FOXL2: variants seen among roughly 807,000 people sequenced by gnomAD.
FOXL2 encodes the protein forkhead box protein L2.
FOXL2 carries 3 observed loss-of-function variants against 2.5 expected under a neutral mutation model. The observed-to-expected ratio is 1.20, with a 90% CI of 0.55 to 3.11. The LOEUF is 3.11. Ranked by LOEUF, FOXL2 falls within the 30% of genes most tolerant of loss-of-function variation. FOXL2 has a pLI of 0.03. For missense variants in FOXL2, 512 were observed against 570.0 expected, an observed-to-expected ratio of 0.90 and a Z score of 1.04; for synonymous variants, 315 against 269.4, an observed-to-expected ratio of 1.17 and a Z score of -1.66.
chr3:138,945,948 T>G lies in FOXL2; in HGVS notation c.775A>C (p.Thr259Pro). The stretch of plus-strand genomic sequence containing the variant: ...GGCAGCGCCATGCTCTGCACGCGTG[T>G]GTACGGCCCGTACGAGGCGGCCGGG... ...AGPAASYGPY[T>P]RVQSMALPPG... Residue 259 changes from threonine (T) to proline (P), a missense_variant, in exon 1 of 1, where the codon ACA becomes CCA. This residue lies in a region of FOXL2 where 287 missense variants were observed against 277.4 expected (regional missense o/e 1.03). Coordinates refer to ENST00000648323, the MANE Select transcript of FOXL2 (RefSeq NM_023067.4). The G allele has an allele frequency of 1.4e-6, 2 of 1,409,622 alleles. No individual in the cohort carries two copies. The highest frequency in any genetic ancestry group is 1.8e-6 in the Non-Finnish European group (2 of 1,093,834). The allele number at this position is 1,409,622 out of a possible 1,614,324, so 87.3% of individuals were successfully genotyped here. A position where few individuals can be genotyped will look rare whatever the true frequency, so the allele number is the denominator to read the frequency against.
At position 138,946,164 on chromosome 3, in the gene FOXL2, C is replaced by A. The variant is rs1239722307; in HGVS notation, c.559G>T (p.Gly187Cys). The A allele has an allele frequency of 6.7e-7, 1 of 1,484,058 alleles. No homozygotes were observed. The highest frequency in any genetic ancestry group is 1.5e-5 in the African/African-American group (1 of 68,160). 91.9% of individuals were successfully genotyped at this position (1,484,058 alleles called of 1,614,324 possible). The change falls in exon 1 of 1, where the codon GGC (glycine) becomes TGC (cysteine). Residue 187 changes from glycine (G) to cysteine (C), a missense_variant. Transcript: ENST00000648323. ...AGGTACTTGGGGGGCGCCAGGTAGC[C>A]GTAGCCGTCGGCCCCGGCGCCCGCC... Reference protein sequence around the residue: ...GVAGAGADGYGYLAPPKYLQS... With the variant: ...GVAGAGADGYCYLAPPKYLQS...
rs1347584962 is a variant in FOXL2 at position 138,947,062 on chromosome 3, T to G, written c.-340A>C. 2 of 254,356 alleles carry G rather than the reference T, an allele frequency of 7.9e-6. No homozygotes were observed. The highest frequency in any genetic ancestry group is 2.9e-5 in the African/African-American group (1 of 34,794). 15.8% of individuals were successfully genotyped at this position (254,356 alleles called of 1,614,324 possible). A position where few individuals can be genotyped will look rare whatever the true frequency, so the allele number is the denominator to read the frequency against. ...CTTCCCCTCCCCCCGCCCCCCGGTTTCCCGAAGCACGACCCGCGTCTCTGG... is the reference window on the plus strand; with the variant it reads ...CTTCCCCTCCCCCCGCCCCCCGGTTGCCCGAAGCACGACCCGCGTCTCTGG... On this transcript the variant is annotated 5_prime_UTR_variant, in exon 1 of 1. Transcript: ENST00000648323. The surrounding 1 kb of genome is among the most constrained non-coding windows in gnomAD (Gnocchi z 5.2).
rs1935913617 is a variant in FOXL2, at chr3:138,944,796, GGTGAATTTTT to G, written c.*786_*795del. ...GGCCACAATACTTCCCCGGTTGCCC[GGTGAATTTTT>G]TTTCCTTTTTTTTTTTTTAAATACT... On this transcript the variant is annotated 3_prime_UTR_variant, in exon 1 of 1. Coordinates refer to ENST00000648323, the MANE Select transcript of FOXL2 (RefSeq NM_023067.4). 2 of 231,832 alleles carry G rather than the reference GGTGAATTTTT, an allele frequency of 8.6e-6. No individual in the cohort carries two copies. Among genetic ancestry groups the G allele is most frequent in the Non-Finnish European group, 1.7e-5 (2 of 117,938 alleles). 14.4% of individuals were successfully genotyped at this position (231,832 alleles called of 1,614,324 possible).
At position 138,945,696 on chromosome 3, in the gene FOXL2, G is replaced by C. The variant is rs764726083; in HGVS notation, c.1027C>G (p.Leu343Val). 1.7e-5 allele frequency: 27 copies of C among 1,555,492 alleles called. No homozygotes were observed. Among genetic ancestry groups the C allele is most frequent in the Non-Finnish European group, 1.7e-5 (19 of 1,142,834 alleles). The change falls in exon 1 of 1, where the codon CTG (leucine) becomes GTG (valine). Residue 343 changes from leucine (L) to valine (V), a missense_variant. Leu to Val is a conservative substitution (Grantham distance 32). Around this residue, in one of 5 missense-constraint regions of FOXL2, gnomAD observed 66 missense variants for 58.3 expected, o/e 1.13. Coordinates refer to ENST00000648323, the MANE Select transcript of FOXL2 (RefSeq NM_023067.4). ...PAPAPTSAPG[L>V]QFACARQPEL... ...GGCTGCCGGGCACAAGCGAACTGCA[G>C]GCCCGGCGCACTGGTGGGCGCGGGC...
Position 138,945,453 on chromosome 3 carries a change from G to C in FOXL2, c.*139C>G, listed in dbSNP as rs1935931933. On this transcript the variant is annotated 3_prime_UTR_variant, in exon 1 of 1. Coordinates refer to ENST00000648323, the MANE Select transcript of FOXL2 (RefSeq NM_023067.4). Reference sequence around the variant, plus strand: ...GCTTAGGAAAGCGAAAAAGCACAGAGGGACCCTGGGCGCTGGCTCCAGAGG... The same window carrying C: ...GCTTAGGAAAGCGAAAAAGCACAGACGGACCCTGGGCGCTGGCTCCAGAGG... 2.8e-6 allele frequency: 4 copies of C among 1,430,764 alleles called. No individual in the cohort carries two copies. In the South Asian group the frequency reaches 3.9e-5, roughly 14 times the overall value. 88.6% of individuals were successfully genotyped at this position (1,430,764 alleles called of 1,614,324 possible).
At position 138,946,362 on chromosome 3, in the gene FOXL2, C is replaced by A. The variant is rs1159248178; in HGVS notation, c.361G>T (p.Gly121Cys). 3.1e-6 allele frequency: 5 copies of A among 1,613,974 alleles called. No homozygotes were observed. The Admixed American group carries it at 6.7e-5, about 22-fold the overall frequency. ...CFIKVPREGG[G>C]ERKGNYWTLD... is the part of the protein sequence containing the mutation. ...GTCCAGTAGTTGCCCTTGCGCTCGC[C>A]GCCGCCCTCGCGCGGCACCTTGATG... Residue 121 changes from glycine (G) to cysteine (C), a missense_variant, in exon 1 of 1, where the codon GGC becomes TGC. By Grantham distance (159) the Gly-to-Cys change is radical (BLOSUM62 -3). This residue lies in a region of FOXL2 where 63 missense variants were observed against 138.9 expected (regional missense o/e 0.45). Transcript: ENST00000648323.
In FOXL2 at chr3:138,946,909, G is replaced by T; in HGVS notation, c.-187C>A. 1 of 905,332 alleles carries T rather than the reference G, an allele frequency of 1.1e-6. No homozygotes were observed. Among genetic ancestry groups the T allele is most frequent in the Non-Finnish European group, 1.6e-6 (1 of 609,334 alleles). 56.1% of individuals were successfully genotyped at this position (905,332 alleles called of 1,614,324 possible). On this transcript the variant is annotated 5_prime_UTR_variant, in exon 1 of 1. Coordinates refer to ENST00000648323, the MANE Select transcript of FOXL2 (RefSeq NM_023067.4). ...CCCCTCTCCTTCCCCTTCCCCTAGG[G>T]AGCGGCCGGCGGGAGTGGAGCTCAG...
Position 138,946,670 on chromosome 3 carries a change from G to C in FOXL2, c.53C>G (p.Pro18Arg), listed in dbSNP as rs1347138555. The C allele has an allele frequency of 6.4e-7, 1 of 1,571,606 alleles. No individual in the cohort carries two copies. The highest frequency in any genetic ancestry group is 1.8e-5 in the Admixed American group (1 of 54,310). Residue 18 changes from proline (P) to arginine (R), a missense_variant, in exon 1 of 1, where the codon CCA becomes CGA. Pro to Arg is a moderately radical substitution (Grantham distance 103, BLOSUM62 -2). This residue lies in a region of FOXL2 where 92 missense variants were observed against 77.8 expected (regional missense o/e 1.18). Transcript: ENST00000648323. Reference protein sequence around the residue: ...PEDAAGALLAPETGRTVKEPE... With the variant: ...PEDAAGALLARETGRTVKEPE... Reference sequence around the variant, plus strand: ...CTCCTTGACTGTGCGACCGGTCTCTGGGGCCAGCAGGGCCCCCGCCGCGTC... The same window carrying C: ...CTCCTTGACTGTGCGACCGGTCTCTCGGGCCAGCAGGGCCCCCGCCGCGTC...
chr3:138,945,836 G>C lies in FOXL2; in HGVS notation c.887C>G (p.Ala296Gly). 1 of 1,219,144 alleles carries C rather than the reference G, an allele frequency of 8.2e-7. No homozygotes were observed. The highest frequency in any genetic ancestry group is 1.0e-6 in the Non-Finnish European group (1 of 980,034). The allele number at this position is 1,219,144 out of a possible 1,614,324, so 75.5% of individuals were successfully genotyped here. Residue 296 changes from alanine (A) to glycine (G), a missense_variant, in exon 1 of 1, where the codon GCA (alanine) becomes GGA (glycine). Transcript: ENST00000648323. Reference protein sequence around the residue: ...PPPHPHPHPHAHHLHAAAAPP... With the variant: ...PPPHPHPHPHGHHLHAAAAPP... Reference sequence around the variant, plus strand: ...TGCGGCGGCCGCGTGCAGATGGTGTGCGTGCGGATGCGGGTGGGGGTGCGG... The same window carrying C: ...TGCGGCGGCCGCGTGCAGATGGTGTCCGTGCGGATGCGGGTGGGGGTGCGG...
Position 138,946,871 on chromosome 3 carries a change from C to G in FOXL2, c.-149G>C. 1 of 1,177,686 alleles carries G rather than the reference C, an allele frequency of 8.5e-7. No individual in the cohort carries two copies. The highest frequency in any genetic ancestry group is 1.2e-6 in the Non-Finnish European group (1 of 842,644). The allele number at this position is 1,177,686 out of a possible 1,614,324, so 73.0% of individuals were successfully genotyped here. On this transcript the variant is annotated 5_prime_UTR_variant, in exon 1 of 1. Transcript: ENST00000648323. ...CCGCCCGCGCTTGCTTGCTGGAGGC[C>G]TGTCGCTGCTCTCCCCTCTCCTTCC...
chr3:138,946,450 G>A lies in FOXL2; in HGVS notation c.273C>T (p.Tyr91=), dbSNP rs751457510. ...YQYIIAKFPF[Y]EKNKKGWQNS... ...TTTGCCAGCCCTTCTTATTCTTCTC[G>A]TAGAACGGGAACTTCGCGATGATGT... is the stretch of plus-strand genomic sequence containing the variant. The change falls in exon 1 of 1, where the codon TAC becomes TAT. Residue 91 remains tyrosine, a synonymous_variant. Coordinates refer to ENST00000648323, the MANE Select transcript of FOXL2 (RefSeq NM_023067.4). The A allele has an allele frequency of 5.0e-6, 8 of 1,614,014 alleles. No individual in the cohort carries two copies. The East Asian group carries it at 1.6e-4, about 31-fold the overall frequency.
At position 138,946,503 on chromosome 3, in the gene FOXL2, T is replaced by G; in HGVS notation, c.220A>C (p.Arg74=). 6.2e-7 allele frequency: 1 copy of G among 1,613,988 alleles called. No homozygotes were observed. The highest frequency in any genetic ancestry group is 8.5e-7 in the Non-Finnish European group (1 of 1,179,998). ...TGGTAGATGCCGGACAGCGTGAGCC[T>G]CTTCTCCGCGCTCTCGCGGATCGCC... is the stretch of plus-strand genomic sequence containing the variant. ...AMAIRESAEK[R]LTLSGIYQYI... The change falls in exon 1 of 1, where the codon AGG becomes CGG. Residue 74 remains arginine, a synonymous_variant. Coordinates refer to ENST00000648323, the MANE Select transcript of FOXL2 (RefSeq NM_023067.4).
chr3:138,946,316 T>G lies in FOXL2; in HGVS notation c.407A>C (p.Asp136Ala), dbSNP rs1031375818. ...CCGGTAGTTGCCCTTCTCGAACATG[T>G]CTTCGCAGGCCGGGTCCAGCGTCCA... is the stretch of plus-strand genomic sequence containing the variant. Reference protein sequence around the residue: ...NYWTLDPACEDMFEKGNYRRR... With the variant: ...NYWTLDPACEAMFEKGNYRRR... The change falls in exon 1 of 1, where the codon GAC becomes GCC. Residue 136 changes from aspartate (D) to alanine (A), a missense_variant. By Grantham distance (126) the Asp-to-Ala change is moderately radical. This residue lies in a region of FOXL2 where 63 missense variants were observed against 138.9 expected (regional missense o/e 0.45). Coordinates refer to ENST00000648323, the MANE Select transcript of FOXL2 (RefSeq NM_023067.4). 1.2e-6 allele frequency: 2 copies of G among 1,613,390 alleles called. No homozygotes were observed. Among genetic ancestry groups the G allele is most frequent in the African/African-American group, 2.7e-5 (2 of 74,852 alleles).
Position 138,946,114 on chromosome 3 carries a change from C to G in FOXL2, c.609G>C (p.Ser203=), listed in dbSNP as rs779956639. Residue 203 remains serine (S), a synonymous_variant, in exon 1 of 1, where the codon TCG becomes TCC. Coordinates refer to ENST00000648323, the MANE Select transcript of FOXL2 (RefSeq NM_023067.4). ...KYLQSGFLNN[S]WPLPQPPSPM... is the part of the protein sequence containing the mutation. The stretch of plus-strand genomic sequence containing the variant: ...GTGAGGGAGGCTGCGGTAGCGGCCA[C>G]GAGTTGTTGAGGAAGCCAGACTGCA... 8 of 1,480,176 alleles carry G rather than the reference C, an allele frequency of 5.4e-6. No homozygotes were observed. Among genetic ancestry groups the G allele is most frequent in the Admixed American group, 2.4e-5 (1 of 42,154 alleles). The allele number at this position is 1,480,176 out of a possible 1,614,324, so 91.7% of individuals were successfully genotyped here. A position where few individuals can be genotyped will look rare whatever the true frequency, so the allele number is the denominator to read the frequency against.
Position 138,945,810 on chromosome 3 carries a change from G to A in FOXL2, c.913C>T (p.Pro305Ser). 2.5e-6 allele frequency: 3 copies of A among 1,197,850 alleles called. No homozygotes were observed. Among genetic ancestry groups the A allele is most frequent in the Non-Finnish European group, 3.1e-6 (3 of 965,608 alleles). The allele number at this position is 1,197,850 out of a possible 1,614,324, so 74.2% of individuals were successfully genotyped here. The change falls in exon 1 of 1, where the codon CCG (proline) becomes TCG (serine). Residue 305 changes from proline to serine, a missense_variant. Around this residue, in one of 5 missense-constraint regions of FOXL2, gnomAD observed 287 missense variants for 277.4 expected, o/e 1.03. Coordinates refer to ENST00000648323, the MANE Select transcript of FOXL2 (RefSeq NM_023067.4). ...HAHHLHAAAA[P>S]PPAPPHHGAA... The stretch of plus-strand genomic sequence containing the variant: ...CCGTGGTGCGGTGGGGCAGGCGGCG[G>A]TGCGGCGGCCGCGTGCAGATGGTGT...
At position 138,944,578 on chromosome 3, in the gene FOXL2, T is replaced by A. The variant is rs935288235; in HGVS notation, c.*1014A>T. ...AGATCCGGGGACATTTGTTTTTGAT[T>A]TTTTTCTTCAGATAGGGAGAGGGTG... On this transcript the variant is annotated 3_prime_UTR_variant, in exon 1 of 1. Transcript: ENST00000648323. 3 of 233,054 alleles carry A rather than the reference T, an allele frequency of 1.3e-5. No individual in the cohort carries two copies. Among genetic ancestry groups the A allele is most frequent in the East Asian group, 1.2e-4 (2 of 16,568 alleles). 14.4% of individuals were successfully genotyped at this position (233,054 alleles called of 1,614,324 possible).
Position 138,946,875 on chromosome 3 carries a change from C to G in FOXL2, c.-153G>C. On this transcript the variant is annotated 5_prime_UTR_variant, in exon 1 of 1. Coordinates refer to ENST00000648323, the MANE Select transcript of FOXL2 (RefSeq NM_023067.4). ...CCGCGCTTGCTTGCTGGAGGCCTGT[C>G]GCTGCTCTCCCCTCTCCTTCCCCTT... The G allele has an allele frequency of 2.6e-6, 3 of 1,145,554 alleles. No homozygotes were observed. The highest frequency in any genetic ancestry group is 1.5e-5 in the South Asian group (1 of 65,448). 71.0% of individuals were successfully genotyped at this position (1,145,554 alleles called of 1,614,324 possible).
rs1935992483 is a variant in FOXL2 at position 138,946,932 on chromosome 3, C to G, written c.-210G>C. The stretch of plus-strand genomic sequence containing the variant: ...GGGAGCGGCCGGCGGGAGTGGAGCT[C>G]AGCCTCTGGCCATGGGGAGTCCGCC... On this transcript the variant is annotated 5_prime_UTR_variant, in exon 1 of 1. It removes the in-frame stop codon of an upstream open reading frame in the 5' UTR. Coordinates refer to ENST00000648323, the MANE Select transcript of FOXL2 (RefSeq NM_023067.4). The G allele has an allele frequency of 1.4e-6, 1 of 722,938 alleles. No individual in the cohort carries two copies. Among genetic ancestry groups the G allele is most frequent in the South Asian group, 2.0e-5 (1 of 50,762 alleles). The allele number at this position is 722,938 out of a possible 1,614,324, so 44.8% of individuals were successfully genotyped here. A position where few individuals can be genotyped will look rare whatever the true frequency, so the allele number is the denominator to read the frequency against.
rs2107745135 is a variant in FOXL2 at position 138,946,690 on chromosome 3, C to A, written c.33G>T (p.Ala11=). 1.3e-6 allele frequency: 2 copies of A among 1,584,928 alleles called. No homozygotes were observed. Among genetic ancestry groups the A allele is most frequent in the Non-Finnish European group, 1.7e-6 (2 of 1,166,470 alleles). The change falls in exon 1 of 1, where the codon GCG becomes GCT. Residue 11 remains alanine, a synonymous_variant. Coordinates refer to ENST00000648323, the MANE Select transcript of FOXL2 (RefSeq NM_023067.4). ...TCTCTGGGGCCAGCAGGGCCCCCGC[C>A]GCGTCCTCGGGCTCGGGGTAGCTGG... MMASYPEPED[A]AGALLAPETG...
Sources: allele counts gnomAD v4.1 joint callset, GRCh38; gene constraint gnomAD v4.1.1; regional missense constraint gnomAD v4.1.1; non-coding constraint Gnocchi (gnomAD v3.1); transcripts MANE v1.5; gene names NCBI Gene and HGNC (gene_info 2026-07-23, HGNC 2026-07-21).